RIT2: variants seen among roughly 807,000 people sequenced by gnomAD.
RIT2 encodes the protein GTP-binding protein Rit2.
Under a neutral mutation model 23.7 loss-of-function variants are expected in RIT2, and 24 were observed. That is an observed-to-expected ratio of 1.01 (90% CI 0.73 to 1.43). The LOEUF (loss-of-function observed/expected upper bound fraction) is 1.43. Among genes scored for constraint, RIT2 ranks in the 40% most tolerant of loss-of-function variants. The pLI is 0.00. For missense variants in RIT2, 236 were observed against 266.9 expected (o/e 0.88, Z 0.81); for synonymous variants, 107 against 91.1 (o/e 1.17, Z -0.99).
Position 42,928,802 on chromosome 18 carries a change from C to T in RIT2, c.235-5039G>A, listed in dbSNP as rs1257823822. 4.0e-5 allele frequency among the ~76,000 whole-genome samples: 6 copies of T among 151,392 alleles called. No homozygotes were observed. The South Asian group carries it at 1.3e-3, about 32-fold the overall frequency. On this transcript the variant is annotated intron_variant, in intron 3 of 4. Transcript: ENST00000326695. Reference sequence around the variant, plus strand: ...CAATAATATGAGGTCAAAGATTATGCCTAAAAGTCAAAATATAATTAACAA... The same window carrying T: ...CAATAATATGAGGTCAAAGATTATGTCTAAAAGTCAAAATATAATTAACAA...
At chr18:42,836,578 T>C (rs1470741823) in intron 4 of RIT2, among the ~76,000 whole-genome samples, 3 of 152,172 alleles carry the variant, frequency 2.0e-5, no homozygotes, top group Non-Finnish European at 4.4e-5. Flanking sequence ...CGTTTGGGGA[T>C]ACTAACAAAA....
At chr18:42,819,162 A>G (rs1240603353) in intron 4 of RIT2, among the ~76,000 whole-genome samples, 1 of 152,078 alleles carries the variant, frequency 6.6e-6, no homozygotes, top group Non-Finnish European at 1.5e-5. Context: ...TCTGCCTTAT[A>G]TAATAAGATG....
chr18:42,829,382 A>G (rs1366392914), intron 4 of RIT2, among the ~76,000 whole-genome samples: 1 of 152,358 alleles, frequency 6.6e-6, no homozygotes, highest in Non-Finnish European at 1.5e-5. Context: ...ATGACACACC[A>G]GAAAGTAATA....
At chr18:42,750,934 G>T (rs952290555) in intron 4 of RIT2, among the ~76,000 whole-genome samples, 1 of 151,812 alleles carries the variant, frequency 6.6e-6, no homozygotes, top group African/African-American at 2.4e-5. Flanking sequence ...CTAATAAGAA[G>T]GAGGTAGGAA....
At chr18:43,070,169 G>A (rs1912865729) in intron 1 of RIT2, among the ~76,000 whole-genome samples, 1 of 151,972 alleles carries the variant, frequency 6.6e-6, no homozygotes, top group Non-Finnish European at 1.5e-5. Flanking sequence ...TATTCAACTG[G>A]AAAATAATTT....
intron 4 of RIT2, among the ~76,000 whole-genome samples, chr18:42,758,641 G>T (rs1913223966): frequency 6.6e-6 from 1 of 151,494 alleles, no homozygotes; most frequent in South Asian, 2.1e-4. Context: ...AGCCTCTCAA[G>T]TGGCTGGGAT....
chr18:42,818,284 T>C (rs1906053130), intron 4 of RIT2, among the ~76,000 whole-genome samples: 2 of 152,086 alleles, frequency 1.3e-5, no homozygotes, highest in Admixed American at 1.3e-4. Context: ...GCAAGATGGA[T>C]CTGTAAAGAA....
At chr18:43,108,268 T>C (rs1352578306) in intron 1 of RIT2, among the ~76,000 whole-genome samples, 1 of 152,040 alleles carries the variant, frequency 6.6e-6, no homozygotes, top group Admixed American at 6.6e-5. Context: ...ATAAAAATAA[T>C]GTAAACATCG....
intron 3 of RIT2, among the ~76,000 whole-genome samples, chr18:42,958,103 G>A (rs1001284830): frequency 1.3e-5 from 2 of 152,058 alleles, no homozygotes; most frequent in African/African-American, 4.8e-5. Context: ...CACAGGCTTG[G>A]GAGCCATGGA....
At chr18:43,008,279 A>C (rs745306792) in intron 2 of RIT2, among the ~76,000 whole-genome samples, 1 of 151,658 alleles carries the variant, frequency 6.6e-6, no homozygotes, top group Non-Finnish European at 1.5e-5. Flanking sequence ...ATAGGTATAC[A>C]TACAATGTAC....
chr18:43,046,982 C>T (rs1912263966), intron 1 of RIT2, among the ~76,000 whole-genome samples: 3 of 152,088 alleles, frequency 2.0e-5, no homozygotes, highest in South Asian at 2.1e-4. Context: ...AGTTTGAGTG[C>T]CACTGATCTA....
intron 3 of RIT2, among the ~76,000 whole-genome samples, chr18:42,966,153 A>T (rs957192577): frequency 6.6e-6 from 1 of 152,142 alleles, no homozygotes; most frequent in Non-Finnish European, 1.5e-5. Flanking sequence ...TTAAGTAGAA[A>T]CCTTTGTAAA....
intron 3 of RIT2, among the ~76,000 whole-genome samples, chr18:42,931,083 C>T (rs940567600): frequency 6.6e-6 from 1 of 152,004 alleles, no homozygotes; most frequent in Non-Finnish European, 1.5e-5. Context: ...ACTCTCATTC[C>T]CATCACTAGA....
intron 1 of RIT2, among the ~76,000 whole-genome samples, chr18:43,048,431 GC>G (rs1299044663): frequency 2.0e-5 from 3 of 152,156 alleles, no homozygotes; most frequent in Admixed American, 6.5e-5. Flanking sequence ...GGAAACAAGT[GC>G]TAGAAGCTTA....
intron 2 of RIT2, among the ~76,000 whole-genome samples, chr18:42,997,661 T>C (rs761719096): frequency 2.6e-5 from 4 of 151,550 alleles, no homozygotes; most frequent in African/African-American, 4.9e-5. Flanking sequence ...ACGAATTTAT[T>C]TGGGGGCATA....
intron 1 of RIT2, among the ~76,000 whole-genome samples, chr18:43,110,390 A>C (rs975827045): frequency 1.3e-5 from 2 of 152,106 alleles, no homozygotes; most frequent in African/African-American, 2.4e-5. Flanking sequence ...TCTGTTGAAT[A>C]AATTTGATTC....
intron 4 of RIT2, 77 bp from the exon 5 acceptor site, chr18:42,743,797 C>T: frequency 8.6e-7 from 1 of 1,165,912 alleles, no homozygotes; most frequent in Non-Finnish European, 1.2e-6. Flanking sequence ...TCTACTAGAG[C>T]TGTGTGTCAG....
rs144885171 is a variant in RIT2, at chr18:43,060,425, C to T, written c.104-26558G>A. Among the ~76,000 whole-genome samples the T allele has an allele frequency of 4.5e-3, 686 of 152,110 alleles. 9 individuals carry two copies. Among genetic ancestry groups the T allele is most frequent in the African/African-American group, 0.016 (644 of 41,510 alleles). The stretch of plus-strand genomic sequence containing the variant: ...TTCCACAATACAGTCACAATGACAC[C>T]AGAATAATCCAGCAGATAAAATTGC... On this transcript the variant is annotated intron_variant, in intron 1 of 4. Transcript: ENST00000326695.
intron 1 of RIT2, among the ~76,000 whole-genome samples, chr18:43,063,149 A>G (rs545410919): frequency 6.6e-6 from 1 of 152,334 alleles, no homozygotes; most frequent in African/African-American, 2.4e-5. Flanking sequence ...TTGTTCAGTA[A>G]ATATGAGTAG....
Sources: gnomAD v4.1 joint callset for allele counts (sites outside exome capture counted in the v4.1 genomes callset) on GRCh38, gnomAD v4.1.1 for gene constraint, MANE v1.5 for transcripts, NCBI Gene and HGNC (gene_info 2026-07-23, HGNC 2026-07-21) for gene names.